RYR3: variants seen among roughly 807,000 people sequenced by gnomAD.
RYR3 encodes the protein brain ryanodine receptor-calcium release channel.
In RYR3, 207 loss-of-function variants were observed where a neutral mutation model predicts 584.3. The observed-to-expected ratio is 0.35, with a 90% CI of 0.32 to 0.40. The LOEUF (loss-of-function observed/expected upper bound fraction) is 0.40, where lower values mean the gene tolerates loss of function less well. Ranked by LOEUF, RYR3 falls within the 10% of genes least tolerant of loss-of-function variation. RYR3 has a pLI of 1.00. For missense variants in RYR3, 5,616 were observed against 6,089.2 expected, an observed-to-expected ratio of 0.92 and a Z score of 2.59; for synonymous variants, 2,416 against 2,248.5, an observed-to-expected ratio of 1.07 and a Z score of -2.11.
intron 43 of RYR3, among the ~76,000 whole-genome samples, chr15:33,717,327 G>C (rs1021197618): frequency 1.1e-4 from 16 of 152,130 alleles, no homozygotes; most frequent in Admixed American, 5.9e-4. Flanking sequence ...TTAAAGCTGA[G>C]TATGTAATTA....
At chr15:33,497,147 C>T (rs1171576370) in intron 2 of RYR3, among the ~76,000 whole-genome samples, 2 of 152,176 alleles carry the variant, frequency 1.3e-5, no homozygotes, top group Non-Finnish European at 2.9e-5. Context: ...CCAGATTCCT[C>T]CTCTTCTCCC....
intron 80 of RYR3, 24 bp downstream of exon 80, chr15:33,821,626 G>A: frequency 6.2e-7 from 1 of 1,610,682 alleles, no homozygotes; most frequent in Non-Finnish European, 8.5e-7. Context: ...GCAGCGGCTG[G>A]GCAGGCTCCC....
intron 19 of RYR3, 55 bp from the exon 20 acceptor site, chr15:33,623,752 T>G: frequency 7.9e-7 from 1 of 1,271,806 alleles, no homozygotes. Context: ...TTCACTTATT[T>G]GGGCTGCATT....
In RYR3 at chr15:33,540,802, A is replaced by G. The variant is rs764916198; in HGVS notation, c.558A>G (p.Val186=). The G allele has an allele frequency of 6.2e-7, 1 of 1,607,374 alleles. No individual in the cohort carries two copies. Among genetic ancestry groups the G allele is most frequent in the Non-Finnish European group, 8.5e-7 (1 of 1,174,070 alleles). Residue 186 remains valine (V), a synonymous_variant, in exon 7 of 104, where the codon GTA becomes GTG. Transcript: ENST00000634891. ...TGTTTCTGCTGCAGCATCTCTCAGTATCAAATGGTAACATACAAGTGGATG... is the reference window on the plus strand; with the variant it reads ...TGTTTCTGCTGCAGCATCTCTCAGTGTCAAATGGTAACATACAAGTGGATG... The part of the protein sequence containing the change: ...VSSERYLHLS[V]SNGNIQVDAS...
intron 3 of RYR3, among the ~76,000 whole-genome samples, chr15:33,524,339 C>T (rs2054238267): frequency 6.6e-6 from 1 of 152,238 alleles, no homozygotes; most frequent in South Asian, 2.1e-4. Flanking sequence ...TGTGTTTCCA[C>T]ATAACCTCTG....
At chr15:33,807,661 G>T in intron 70 of RYR3, 92 bp downstream of exon 70, 1 of 1,302,690 alleles carries the variant, frequency 7.7e-7, no homozygotes, top group Non-Finnish European at 1.1e-6. Context: ...CATGGGGGTG[G>T]TAGAGAATGG....
intron 55 of RYR3, among the ~76,000 whole-genome samples, chr15:33,748,882 AGTTT>A (rs1567086797): frequency 6.6e-6 from 1 of 152,174 alleles, no homozygotes; most frequent in Admixed American, 6.5e-5. Context: ...AAAATGGCAT[AGTTT>A]TACCTATAAC....
At chr15:33,435,639 C>CT (rs1483240649) in intron 1 of RYR3, among the ~76,000 whole-genome samples, 3 of 152,174 alleles carry the variant, frequency 2.0e-5, no homozygotes, top group African/African-American at 4.8e-5. Context: ...CTCTTGCTAA[C>CT]TTCAAGAATG....
chr15:33,608,674 T>A (rs958380099), intron 18 of RYR3, among the ~76,000 whole-genome samples: 1 of 152,228 alleles, frequency 6.6e-6, no homozygotes, highest in Non-Finnish European at 1.5e-5. Context: ...CTAGATAATA[T>A]TAGTCCCAAC....
At position 33,831,107 on chromosome 15, in the gene RYR3, T is replaced by G. The variant is rs747378140; in HGVS notation, c.11463+16T>G. On this transcript the variant is annotated intron_variant, in intron 86 of 103. Transcript: ENST00000634891. The stretch of plus-strand genomic sequence containing the variant: ...ATACATCCAGGTATGTGCTACAGAG[T>G]GCATGGTTGAAAACAAAGAGAACAT... 2 of 1,608,958 alleles carry G rather than the reference T, an allele frequency of 1.2e-6. No homozygotes were observed. The highest frequency in any genetic ancestry group is 1.7e-6 in the Non-Finnish European group (2 of 1,178,356).
At chr15:33,670,599 CTTAA>C (rs1416931451) in intron 38 of RYR3, 43 bp downstream of exon 38, 1 of 1,515,124 alleles carries the variant, frequency 6.6e-7, no homozygotes, top group Admixed American at 2.4e-5. Flanking sequence ...TCTTCTAAGA[CTTAA>C]TTAATGTAAC....
chr15:33,588,946 A>C (rs1262727851), intron 16 of RYR3, among the ~76,000 whole-genome samples: 4 of 152,134 alleles, frequency 2.6e-5, no homozygotes, highest in Non-Finnish European at 5.9e-5. Context: ...TTGATATAGC[A>C]ATTTATTTTC....
intron 3 of RYR3, among the ~76,000 whole-genome samples, chr15:33,520,719 CAT>C (rs1473277735): frequency 6.7e-6 from 1 of 148,746 alleles, no homozygotes; most frequent in Non-Finnish European, 1.5e-5. Context: ...TAATAAGAAA[CAT>C]GTGTTAGGGT....
intron 38 of RYR3, among the ~76,000 whole-genome samples, chr15:33,687,617 G>C (rs767211895): frequency 3.0e-4 from 46 of 152,120 alleles, no homozygotes; most frequent in Admixed American, 8.5e-4. Flanking sequence ...ACAGTCCTAA[G>C]GAAAAAGAAC....
chr15:33,783,491 A>G (rs758293489), intron 65 of RYR3, among the ~76,000 whole-genome samples: 6 of 152,232 alleles, frequency 3.9e-5, no homozygotes, highest in Non-Finnish European at 7.3e-5. Context: ...CCAATTACGT[A>G]TAAATAACTT....
chr15:33,850,429 A>G (rs1199033246), intron 94 of RYR3: 1 of 152,188 alleles, frequency 6.6e-6, no homozygotes, highest in Non-Finnish European at 1.5e-5. Context: ...TATCCTAAGG[A>G]GATAATGAGA....
intron 10 of RYR3, among the ~76,000 whole-genome samples, chr15:33,551,135 A>G (rs1529849): frequency 0.44 from 66,725 of 152,088 alleles, 16,520 homozygotes; most frequent in Admixed American, 0.6. Context: ...CTAACTTCTG[A>G]CAGACAGTTG....
intron 36 of RYR3, among the ~76,000 whole-genome samples, chr15:33,664,801 T>A (rs2063402508): frequency 6.6e-6 from 1 of 151,996 alleles, no homozygotes; most frequent in African/African-American, 2.4e-5. Context: ...TCAATATAGT[T>A]ACCACCATTT....
chr15:33,354,839 A>T (rs564081476), intron 1 of RYR3, among the ~76,000 whole-genome samples: 1 of 152,164 alleles, frequency 6.6e-6, no homozygotes, highest in Non-Finnish European at 1.5e-5. Context: ...ATCAGTTGAA[A>T]ACCACCTTTC....
Sources: gnomAD v4.1 joint callset for allele counts (sites outside exome capture counted in the v4.1 genomes callset) on GRCh38, gnomAD v4.1.1 for gene constraint, MANE v1.5 for transcripts, NCBI Gene and HGNC (gene_info 2026-07-23, HGNC 2026-07-21) for gene names.